SLC30A9: variants seen among roughly 807,000 people sequenced by gnomAD.
SLC30A9 encodes the protein solute carrier family 30 member 9.
SLC30A9 carries 58 observed loss-of-function variants against 87.5 expected under a neutral mutation model. That is an observed-to-expected ratio of 0.66 (90% CI 0.54 to 0.82). The LOEUF (loss-of-function observed/expected upper bound fraction) is 0.82, where lower values mean the gene tolerates loss of function less well. SLC30A9 is among the 40% of genes least tolerant of loss of function. SLC30A9 has a pLI of 0.00. For missense variants in SLC30A9, 557 were observed against 679.1 expected, an observed-to-expected ratio of 0.82 and a Z score of 2.00; for synonymous variants, 234 against 233.0, an observed-to-expected ratio of 1.00 and a Z score of -0.04.
intron 2 of SLC30A9, among the ~76,000 whole-genome samples, chr4:42,016,049 A>G (rs1715706255): frequency 6.6e-6 from 1 of 152,152 alleles, no homozygotes; most frequent in Non-Finnish European, 1.5e-5. Flanking sequence ...TAACAAGGAA[A>G]ACTGGCTCTG....
At chr4:42,043,775 A>C (rs138017465) in intron 8 of SLC30A9, among the ~76,000 whole-genome samples, 4,358 of 152,304 alleles carry the variant, frequency 0.029, 93 homozygotes, top group Non-Finnish European at 0.039. Flanking sequence ...CATCAGATTC[A>C]CCAAGGTTGA....
rs935494097 is a variant in SLC30A9 at position 42,013,541 on chromosome 4, C to T, written c.275-4570C>T. 2.6e-5 allele frequency among the ~76,000 whole-genome samples: 4 copies of T among 152,112 alleles called. No homozygotes were observed. In the East Asian group the frequency reaches 7.7e-4, roughly 29 times the overall value. ...TTATGCTGTTTTACTGTTATAAAGA[C>T]AGACACATAAACCAATGGAACAGAA... On this transcript the variant is annotated intron_variant, in intron 2 of 17. Transcript: ENST00000264451.
chr4:42,052,965 G>A (rs1717442395), intron 9 of SLC30A9, among the ~76,000 whole-genome samples: 1 of 152,138 alleles, frequency 6.6e-6, no homozygotes, highest in Non-Finnish European at 1.5e-5. Context: ...TAGTCACAAA[G>A]CATTCTGACA....
chr4:42,082,065 A>G (rs905618275), intron 17 of SLC30A9, among the ~76,000 whole-genome samples: 3 of 151,942 alleles, frequency 2.0e-5, no homozygotes, highest in Non-Finnish European at 4.4e-5. Flanking sequence ...AAAATACAAA[A>G]TATTAGCCGG....
intron 8 of SLC30A9, among the ~76,000 whole-genome samples, chr4:42,048,633 G>A (rs1203547618): frequency 6.6e-6 from 1 of 152,152 alleles, no homozygotes; most frequent in East Asian, 1.9e-4. Context: ...ATGACTCTGA[G>A]ACTGCTTAGA....
At chr4:42,070,461 T>G in intron 14 of SLC30A9, 65 bp from the exon 15 acceptor site, 1 of 1,256,308 alleles carries the variant, frequency 8.0e-7, no homozygotes, top group Non-Finnish European at 1.1e-6. Context: ...TTCTTTGCTC[T>G]CTATAAAGTT....
chr4:42,069,708 G>A (rs1227028114), intron 14 of SLC30A9, among the ~76,000 whole-genome samples: 1 of 152,072 alleles, frequency 6.6e-6, no homozygotes, highest in Non-Finnish European at 1.5e-5. Context: ...CGTATTTATT[G>A]GTGTCTATTA....
Position 42,001,402 on chromosome 4 carries a change from A to G in SLC30A9, c.110-214A>G, listed in dbSNP as rs981588954. Reference sequence around the variant, plus strand: ...ATACCTTTCAAAATAGCTGAATAGCATAAATATTTTATTTGATTTTTTATA... The same window carrying G: ...ATACCTTTCAAAATAGCTGAATAGCGTAAATATTTTATTTGATTTTTTATA... On this transcript the variant is annotated intron_variant, in intron 1 of 17. Transcript: ENST00000264451. 2.6e-5 allele frequency among the ~76,000 whole-genome samples: 4 copies of G among 152,082 alleles called. No homozygotes were observed. The East Asian group carries it at 5.8e-4, about 22-fold the overall frequency.
At chr4:42,064,058 C>T (rs566812395) in intron 11 of SLC30A9, among the ~76,000 whole-genome samples, 7 of 152,158 alleles carry the variant, frequency 4.6e-5, no homozygotes, top group Admixed American at 2.0e-4. Context: ...AGTAGGCTTG[C>T]GTATGGATGT....
intron 9 of SLC30A9, among the ~76,000 whole-genome samples, chr4:42,051,825 A>G (rs1193736673): frequency 2.0e-5 from 3 of 152,138 alleles, no homozygotes; most frequent in Non-Finnish European, 4.4e-5. Flanking sequence ...TTTCAGAAAT[A>G]GAGAATGAAA....
chr4:42,076,005 C>CT (rs1392303017), intron 16 of SLC30A9, among the ~76,000 whole-genome samples: 4 of 152,066 alleles, frequency 2.6e-5, no homozygotes, highest in Non-Finnish European at 5.9e-5. Flanking sequence ...TGCATTTAAT[C>CT]TTTTTTTATC....
chr4:42,046,944 T>C (rs1483749958), intron 8 of SLC30A9, among the ~76,000 whole-genome samples: 1 of 152,136 alleles, frequency 6.6e-6, no homozygotes, highest in Non-Finnish European at 1.5e-5. Flanking sequence ...TCTACAACCA[T>C]CTGATCTTTG....
chr4:42,031,845 T>C (rs1716451661), intron 6 of SLC30A9, among the ~76,000 whole-genome samples: 1 of 152,266 alleles, frequency 6.6e-6, no homozygotes, highest in Non-Finnish European at 1.5e-5. Flanking sequence ...ATGTCCTTTA[T>C]ATTACCTCTT....
chr4:41,992,154 C>T (rs958625419), intron 1 of SLC30A9, among the ~76,000 whole-genome samples: 1 of 151,412 alleles, frequency 6.6e-6, no homozygotes, highest in Non-Finnish European at 1.5e-5. Context: ...AAGACCAGCC[C>T]GGGCAACATG....
intron 2 of SLC30A9, among the ~76,000 whole-genome samples, chr4:42,017,014 G>A (rs988308411): frequency 5.3e-5 from 8 of 152,150 alleles, no homozygotes; most frequent in Non-Finnish European, 1.0e-4. Flanking sequence ...AGTAGATAAT[G>A]CCAACTTGTT....
intron 1 of SLC30A9, among the ~76,000 whole-genome samples, chr4:41,993,379 A>G (rs1006291418): frequency 6.6e-6 from 1 of 152,182 alleles, no homozygotes; most frequent in African/African-American, 2.4e-5. Context: ...GTGACTACTC[A>G]ATTAGATAGT....
At chr4:41,994,115 C>T (rs574512946) in intron 1 of SLC30A9, among the ~76,000 whole-genome samples, 1 of 152,050 alleles carries the variant, frequency 6.6e-6, no homozygotes, top group East Asian at 1.9e-4. Flanking sequence ...TGAGATTGCG[C>T]CACTGCACTC....
Position 42,086,100 on chromosome 4 carries a change from C to G in SLC30A9, c.1681C>G (p.Arg561Gly). Reference protein sequence around the residue: ...KELKKRNPEVRHVDLEIL With the variant: ...KELKKRNPEVGHVDLEIL ...TTTCCAGAAACGAAATCCTGAAGTTCGACATGTAGATTTGGAGATACTGTG... is the reference window on the plus strand; with the variant it reads ...TTTCCAGAAACGAAATCCTGAAGTTGGACATGTAGATTTGGAGATACTGTG... Residue 561 changes from arginine (R) to glycine (G), a missense_variant, in exon 18 of 18, where the codon CGA (arginine) becomes GGA (glycine). By Grantham distance (125) the Arg-to-Gly change is moderately radical. Coordinates refer to ENST00000264451, the MANE Select transcript of SLC30A9 (RefSeq NM_006345.4). 1 of 1,504,714 alleles carries G rather than the reference C, an allele frequency of 6.6e-7. No homozygotes were observed. The highest frequency in any genetic ancestry group is 9.0e-7 in the Non-Finnish European group (1 of 1,113,322). 93.2% of individuals were successfully genotyped at this position (1,504,714 alleles called of 1,614,324 possible).
intron 17 of SLC30A9, among the ~76,000 whole-genome samples, chr4:42,080,445 G>A (rs562767298): frequency 1.3e-5 from 2 of 152,326 alleles, no homozygotes; most frequent in African/African-American, 4.8e-5. Flanking sequence ...AGTTTCAGTT[G>A]TCTTTTCTCT....
Sources: allele counts gnomAD v4.1 joint callset (sites outside exome capture counted in the v4.1 genomes callset), GRCh38; gene constraint gnomAD v4.1.1; transcripts MANE v1.5; gene names NCBI Gene and HGNC (gene_info 2026-07-23, HGNC 2026-07-21).